Variants in ADARB1 observed in about 807,000 individuals in gnomAD.
The protein encoded by ADARB1 is adenosine deaminase RNA specific B1, also known as double-stranded RNA-specific editase 1.
Under a neutral mutation model 52.4 loss-of-function variants are expected in ADARB1, and 10 were observed. The ratio of observed to expected loss-of-function variants is 0.19; its 90% CI spans 0.12 to 0.32. The LOEUF (loss-of-function observed/expected upper bound fraction) is 0.32. Among genes scored for constraint, ADARB1 ranks in the 10% least tolerant of loss-of-function variants. The probability of loss-of-function intolerance (pLI) is 1.00; values close to 1 mark genes in which losing one functional copy is unlikely to be tolerated. For missense variants in ADARB1, 643 were observed against 922.3 expected, an observed-to-expected ratio of 0.70 and a Z score of 3.92; for synonymous variants, 349 against 371.1, an observed-to-expected ratio of 0.94 and a Z score of 0.68.
intron 8 of ADARB1, among the ~76,000 whole-genome samples, chr21:45,195,829 A>G (rs2092412613): frequency 6.6e-6 from 1 of 152,154 alleles, no homozygotes; most frequent in Non-Finnish European, 1.5e-5. Flanking sequence ...TAAGTCTTTA[A>G]GTCAGGTAAT....
In ADARB1 at chr21:45,225,974, T is replaced by G. The variant is rs914162925; in HGVS notation, c.*3777T>G. On this transcript the variant is annotated 3_prime_UTR_variant, in exon 11 of 11. Transcript: ENST00000348831. ...TTCCGTGTGAGTTCTAGTGTTCACTTGATGCCGGGGAATAGAATTAGAGAA... is the reference window on the plus strand; with the variant it reads ...TTCCGTGTGAGTTCTAGTGTTCACTGGATGCCGGGGAATAGAATTAGAGAA... 1 of 168,052 alleles carries G rather than the reference T, an allele frequency of 6.0e-6. No individual in the cohort carries two copies. Among genetic ancestry groups the G allele is most frequent in the African/African-American group, 2.4e-5 (1 of 42,120 alleles). The allele number at this position is 168,052 out of a possible 1,614,324, so 10.4% of individuals were successfully genotyped here. A position where few individuals can be genotyped will look rare whatever the true frequency, so the allele number is the denominator to read the frequency against.
chr21:45,146,711 A>G (rs1381187712), intron 2 of ADARB1, among the ~76,000 whole-genome samples: 1 of 152,242 alleles, frequency 6.6e-6, no homozygotes, highest in Non-Finnish European at 1.5e-5. Flanking sequence ...CCAGGCAGCA[A>G]CAGTCCTTGT....
At chr21:45,201,368 C>T (rs917438733) in intron 8 of ADARB1, among the ~76,000 whole-genome samples, 4 of 152,204 alleles carry the variant, frequency 2.6e-5, no homozygotes, top group Non-Finnish European at 4.4e-5. Flanking sequence ...TCAAAGCATA[C>T]GTTCAGAATT....
At chr21:45,188,791 T>C (rs2092195112) in intron 8 of ADARB1, among the ~76,000 whole-genome samples, 1 of 152,194 alleles carries the variant, frequency 6.6e-6, no homozygotes, top group Non-Finnish European at 1.5e-5. Context: ...TTTGTGTTTC[T>C]TTCATTATTT....
At chr21:45,102,247 GTGTC>G (rs1268631498) in intron 1 of ADARB1, among the ~76,000 whole-genome samples, 2 of 152,068 alleles carry the variant, frequency 1.3e-5, no homozygotes, top group East Asian at 1.9e-4. Flanking sequence ...CCTTACCTTG[GTGTC>G]TGTCTGTTAT....
chr21:45,216,087 C>T (rs2092856910), intron 9 of ADARB1, among the ~76,000 whole-genome samples: 1 of 152,040 alleles, frequency 6.6e-6, no homozygotes, highest in East Asian at 1.9e-4. Flanking sequence ...TCCATTTCAT[C>T]TAATTTGTCT....
chr21:45,144,534 T>A (rs559425670), intron 2 of ADARB1: 13 of 366,152 alleles, frequency 3.6e-5, no homozygotes, highest in South Asian at 2.8e-4. Context: ...ATAGAAACCA[T>A]ACCTGATACA....
At chr21:45,112,126 T>C (rs1221464317) in intron 1 of ADARB1, among the ~76,000 whole-genome samples, 2 of 152,226 alleles carry the variant, frequency 1.3e-5, no homozygotes, top group South Asian at 2.1e-4. Flanking sequence ...TTCTGGACTC[T>C]CTGAGATGCC....
At chr21:45,082,763 T>C (rs1487970126) in intron 1 of ADARB1, among the ~76,000 whole-genome samples, 2 of 152,236 alleles carry the variant, frequency 1.3e-5, no homozygotes, top group Non-Finnish European at 1.5e-5. Flanking sequence ...TCATCATCCC[T>C]TTTTACTGAT....
intron 2 of ADARB1, among the ~76,000 whole-genome samples, chr21:45,153,524 G>T (rs575902887): frequency 3.3e-5 from 5 of 152,206 alleles, no homozygotes; most frequent in Admixed American, 1.3e-4. Context: ...ACCACCACAG[G>T]GCCCTTGGGA....
chr21:45,211,656 T>C (rs572705828), intron 9 of ADARB1, among the ~76,000 whole-genome samples: 1 of 152,366 alleles, frequency 6.6e-6, no homozygotes, highest in Admixed American at 6.5e-5. Context: ...GTAGCAGTTA[T>C]TAGGCCAATT....
At position 45,224,279 on chromosome 21, in the gene ADARB1, A is replaced by G. The variant is rs918897989; in HGVS notation, c.*2082A>G. 14 of 985,320 alleles carry G rather than the reference A, an allele frequency of 1.4e-5. No individual in the cohort carries two copies. The highest frequency in any genetic ancestry group is 1.7e-5 in the Non-Finnish European group (14 of 829,944). 61.0% of individuals were successfully genotyped at this position (985,320 alleles called of 1,614,324 possible). A position where few individuals can be genotyped will look rare whatever the true frequency, so the allele number is the denominator to read the frequency against. On this transcript the variant is annotated 3_prime_UTR_variant, in exon 11 of 11. Coordinates refer to ENST00000348831, the MANE Select transcript of ADARB1 (RefSeq NM_001112.4). The stretch of plus-strand genomic sequence containing the variant: ...GTATGTCTGGCTTTTCCCTTCTGTC[A>G]GGTAATAGCTAAAGTCAGCATGATT...
rs114977224 is a variant in ADARB1, at chr21:45,089,187, G to T, written c.-220+14394G>T. ...CCTTCTCCCAGCTCACAACATACAG[G>T]TCTGTGATTGATACATACTTCTCCT... On this transcript the variant is annotated intron_variant, in intron 1 of 10. Coordinates refer to ENST00000348831, the MANE Select transcript of ADARB1 (RefSeq NM_001112.4). Among the ~76,000 whole-genome samples the T allele has an allele frequency of 2.1e-3, 322 of 152,290 alleles. 1 individual carries two copies. Among genetic ancestry groups the T allele is most frequent in the African/African-American group, 7.4e-3 (306 of 41,542 alleles).
Position 45,124,803 on chromosome 21 carries a change from G to A in ADARB1, c.-219-3599G>A, listed in dbSNP as rs866216422. On this transcript the variant is annotated intron_variant, in intron 1 of 10. Coordinates refer to ENST00000348831, the MANE Select transcript of ADARB1 (RefSeq NM_001112.4). The stretch of plus-strand genomic sequence containing the variant: ...TGTGTGTGTATGTGTGTGTGTGTGT[G>A]TGTGTGTGTGTGTGACAGGGTCTCA... Among the ~76,000 whole-genome samples, 476 of 151,428 alleles carry A rather than the reference G, an allele frequency of 3.1e-3. 4 individuals carry two copies. Among genetic ancestry groups the A allele is most frequent in the Middle Eastern group, 0.014 (4 of 294 alleles).
chr21:45,133,145 C>G (rs1353121434), intron 2 of ADARB1, among the ~76,000 whole-genome samples: 1 of 152,236 alleles, frequency 6.6e-6, no homozygotes, highest in Admixed American at 6.5e-5. Flanking sequence ...GTTCAGAAGC[C>G]TGAGCCCCTG....
At chr21:45,135,665 G>A (rs2089317912) in intron 2 of ADARB1, among the ~76,000 whole-genome samples, 1 of 152,268 alleles carries the variant, frequency 6.6e-6, no homozygotes, top group African/African-American at 2.4e-5. Flanking sequence ...GGCCTCAGAA[G>A]ATGAAGGCAG....
chr21:45,132,703 G>T (rs2089029580), intron 2 of ADARB1, among the ~76,000 whole-genome samples: 1 of 152,162 alleles, frequency 6.6e-6, no homozygotes, highest in African/African-American at 2.4e-5. Context: ...TTACATCCAA[G>T]TAAAAAGGAG....
chr21:45,162,459 G>A (rs2091023448), intron 2 of ADARB1, among the ~76,000 whole-genome samples: 1 of 152,136 alleles, frequency 6.6e-6, no homozygotes, highest in African/African-American at 2.4e-5. Context: ...AGTGTGAGCC[G>A]AGCGCAGCCT....
At position 45,185,002 on chromosome 21, in the gene ADARB1, A is replaced by G. The variant is rs1378313441; in HGVS notation, c.1476A>G (p.Pro492=). The G allele has an allele frequency of 4.3e-6, 7 of 1,614,252 alleles. No individual in the cohort carries two copies. In the African/African-American group the frequency reaches 8.0e-5, roughly 18 times the overall value. The change falls in exon 8 of 11, where the codon CCA becomes CCG. Residue 492 remains proline, a synonymous_variant. Transcript: ENST00000348831. ...TAGAGTCTGGTGAGGGGACGATTCCAGTGCGCTCCAATGCGAGCATCCAAA... is the reference window on the plus strand; with the variant it reads ...TAGAGTCTGGTGAGGGGACGATTCCGGTGCGCTCCAATGCGAGCATCCAAA... ...TKIESGEGTI[P]VRSNASIQTW...
Sources: gnomAD v4.1 joint callset for allele counts (sites outside exome capture counted in the v4.1 genomes callset) on GRCh38, gnomAD v4.1.1 for gene constraint, MANE v1.5 for transcripts, NCBI Gene and HGNC (gene_info 2026-07-23, HGNC 2026-07-21) for gene names.